Variants in KLHL7 observed in about 807,000 individuals in gnomAD.
The protein encoded by KLHL7 is kelch-like protein 7.
Under a neutral mutation model 67.4 loss-of-function variants are expected in KLHL7, and 44 were observed. The ratio of observed to expected loss-of-function variants is 0.65; its 90% CI spans 0.51 to 0.84. KLHL7 has a LOEUF of 0.84. Among genes scored for constraint, KLHL7 ranks in the 40% least tolerant of loss-of-function variants. KLHL7 has a pLI of 0.00. For synonymous variants in KLHL7, 252 were observed against 243.3 expected, an observed-to-expected ratio of 1.04 and a Z score of -0.33; for missense variants, 362 against 718.1, an observed-to-expected ratio of 0.50 and a Z score of 5.67.
chr7:23,171,168 G>A (rs1785149818), intron 9 of KLHL7: 1 of 364,326 alleles, frequency 2.7e-6, no homozygotes, highest in South Asian at 2.1e-5. Flanking sequence ...GCCTCCCAAA[G>A]TGCTGGGATT....
chr7:23,173,293 A>T (rs936492352), intron 10 of KLHL7, among the ~76,000 whole-genome samples: 1 of 152,216 alleles, frequency 6.6e-6, no homozygotes, highest in African/African-American at 2.4e-5. Flanking sequence ...ACATTCCCAG[A>T]TACCTCCTGG....
intron 4 of KLHL7, among the ~76,000 whole-genome samples, chr7:23,139,766 T>C (rs143569551): frequency 1.3e-5 from 2 of 152,230 alleles, no homozygotes; most frequent in Non-Finnish European, 2.9e-5. Context: ...AAAAATAATT[T>C]GTAGTTTTAT....
intron 7 of KLHL7, among the ~76,000 whole-genome samples, chr7:23,165,352 T>C (rs1382064545): frequency 6.6e-6 from 1 of 152,220 alleles, no homozygotes; most frequent in Non-Finnish European, 1.5e-5. Flanking sequence ...AAAAAGCTTT[T>C]TTAAAAAATA....
At chr7:23,109,415 A>G (rs1043708025) in intron 1 of KLHL7, among the ~76,000 whole-genome samples, 34 of 152,348 alleles carry the variant, frequency 2.2e-4, no homozygotes, top group African/African-American at 7.9e-4. Context: ...TTTTGTGTTA[A>G]TGAAGTCCAG....
intron 7 of KLHL7, among the ~76,000 whole-genome samples, chr7:23,159,987 C>T (rs1354226350): frequency 6.6e-6 from 1 of 152,166 alleles, no homozygotes; most frequent in Non-Finnish European, 1.5e-5. Context: ...TTCTAATCTT[C>T]CCATATTTAA....
At chr7:23,149,435 C>T (rs1784463825) in intron 6 of KLHL7, among the ~76,000 whole-genome samples, 1 of 152,200 alleles carries the variant, frequency 6.6e-6, no homozygotes, top group South Asian at 2.1e-4. Flanking sequence ...CTCCTTCCCT[C>T]CTACCTTTCT....
chr7:23,127,367 A>G (rs917536967), intron 4 of KLHL7, among the ~76,000 whole-genome samples: 2 of 152,292 alleles, frequency 1.3e-5, no homozygotes, highest in Admixed American at 1.3e-4. Context: ...GAGGAAGGAC[A>G]GCCCCGCCAC....
At position 23,170,158 on chromosome 7, in the gene KLHL7, G is replaced by T. The variant is rs184390851; in HGVS notation, c.1379+2121G>T. Among the ~76,000 whole-genome samples, 436 of 152,344 alleles carry T rather than the reference G, an allele frequency of 2.9e-3. 2 individuals carry two copies. Among genetic ancestry groups the T allele is most frequent in the Admixed American group, 5.2e-3 (79 of 15,304 alleles). ...GAACCCGGGAGGTGGAGGTTGTAGT[G>T]AGCTGAGATCGTGCCATTGCACTGC... On this transcript the variant is annotated intron_variant, in intron 9 of 10. Transcript: ENST00000339077.
At chr7:23,151,880 G>T (rs2390758) in intron 6 of KLHL7, among the ~76,000 whole-genome samples, 187 bp from the exon 7 acceptor site, 66,145 of 151,722 alleles carry the variant, frequency 0.44, 16,239 homozygotes, top group African/African-American at 0.68. Context: ...GAGAATAAAT[G>T]AATTGGTTAG....
Position 23,105,845 on chromosome 7 carries a change from GC to G in KLHL7, c.-180del, listed in dbSNP as rs1562542973. On this transcript the variant is annotated 5_prime_UTR_variant, in exon 1 of 11. Transcript: ENST00000339077. ...TCGCTCCCTGAGCGTTTCTAAGGGG[GC>G]CGCCCGGCCTTGTCTTTCGGCAGTG... The G allele has an allele frequency of 1.1e-6, 1 of 896,778 alleles. No homozygotes were observed. Among genetic ancestry groups the G allele is most frequent in the Admixed American group, 2.2e-5 (1 of 46,236 alleles). 55.6% of individuals were successfully genotyped at this position (896,778 alleles called of 1,614,324 possible).
At chr7:23,113,043 A>T (rs936198488) in intron 1 of KLHL7, among the ~76,000 whole-genome samples, 2 of 152,090 alleles carry the variant, frequency 1.3e-5, no homozygotes, top group African/African-American at 4.8e-5. Context: ...CCTCTTCCAT[A>T]AGAAGTGGGA....
chr7:23,143,961 A>G lies in KLHL7; in HGVS notation c.729A>G (p.Leu243=), dbSNP rs1161733201. The G allele has an allele frequency of 6.2e-7, 1 of 1,614,036 alleles. No homozygotes were observed. The highest frequency in any genetic ancestry group is 8.5e-7 in the Non-Finnish European group (1 of 1,179,916). The part of the protein sequence containing the change: ...VRFPLISKNF[L]SKTVQAEPLI... ...TTCCTCTTATATCAAAGAATTTCTT[A>G]AGTAAAACGGTACAAGCTGAACCAC... is the stretch of plus-strand genomic sequence containing the variant. The change falls in exon 6 of 11, where the codon TTA becomes TTG. Residue 243 remains leucine, a synonymous_variant. Coordinates refer to ENST00000339077, the MANE Select transcript of KLHL7 (RefSeq NM_001031710.3).
At chr7:23,131,119 T>A (rs1279734082) in intron 4 of KLHL7, among the ~76,000 whole-genome samples, 1 of 152,198 alleles carries the variant, frequency 6.6e-6, no homozygotes, top group African/African-American at 2.4e-5. Context: ...TTAGATTTCT[T>A]AGTGGGGCAA....
At chr7:23,132,093 T>C (rs932945153) in intron 4 of KLHL7, among the ~76,000 whole-genome samples, 1 of 152,228 alleles carries the variant, frequency 6.6e-6, no homozygotes, top group Non-Finnish European at 1.5e-5. Context: ...TTAGCTATTG[T>C]AGACAGTGCT....
chr7:23,137,226 A>G (rs1380824562), intron 4 of KLHL7, among the ~76,000 whole-genome samples: 1 of 152,178 alleles, frequency 6.6e-6, no homozygotes, highest in Non-Finnish European at 1.5e-5. Context: ...CGGAGGTTGC[A>G]GTGAGCTGAG....
intron 6 of KLHL7, among the ~76,000 whole-genome samples, chr7:23,147,402 T>C (rs1238625247): frequency 5.3e-5 from 8 of 152,160 alleles, no homozygotes; most frequent in Admixed American, 5.2e-4. Context: ...CCCTGGTCAT[T>C]TTTTATGGTC....
chr7:23,138,440 C>T lies in KLHL7; in HGVS notation c.443-2329C>T, dbSNP rs575111260. On this transcript the variant is annotated intron_variant, in intron 4 of 10. Coordinates refer to ENST00000339077, the MANE Select transcript of KLHL7 (RefSeq NM_001031710.3). ...TCGGGCCACTGCACTCCAGCCTGGG[C>T]GACAGAGCAAGACTCCATCTTAAAA... is the stretch of plus-strand genomic sequence containing the variant. 8.2e-5 allele frequency among the ~76,000 whole-genome samples: 9 copies of T among 109,170 alleles called. 1 individual carries two copies. The South Asian group carries it at 9.8e-4, about 12-fold the overall frequency. 71.6% of individuals were successfully genotyped at this position (109,170 alleles called of 152,430 possible).
rs927527927 is a variant in KLHL7, at chr7:23,174,982, GTC to G, written c.*688_*689del. The G allele has an allele frequency of 4.5e-6, 2 of 449,340 alleles. No homozygotes were observed. Among genetic ancestry groups the G allele is most frequent in the African/African-American group, 4.0e-5 (2 of 49,612 alleles). 27.8% of individuals were successfully genotyped at this position (449,340 alleles called of 1,614,324 possible). On this transcript the variant is annotated 3_prime_UTR_variant, in exon 11 of 11. Transcript: ENST00000339077. ...AGCTTAGCACCCATCATTAATTTAT[GTC>G]TCTGTTTTATCCAGTGGTTAAAAAA...
intron 5 of KLHL7, 107 bp from the exon 6 acceptor site, chr7:23,143,744 T>C: frequency 8.9e-7 from 1 of 1,118,450 alleles, no homozygotes; most frequent in Admixed American, 1.7e-5. Context: ...TAGAAATAAG[T>C]GGTTATCTCC....
Sources: gnomAD v4.1 joint callset for allele counts (sites outside exome capture counted in the v4.1 genomes callset) on GRCh38, gnomAD v4.1.1 for gene constraint, MANE v1.5 for transcripts, NCBI Gene and HGNC (gene_info 2026-07-23, HGNC 2026-07-21) for gene names.